Variants in FBN2 observed in about 807,000 individuals in gnomAD.
The protein encoded by FBN2 is fibrillin-2.
A neutral mutation model predicts 355.6 loss-of-function variants in FBN2; 105 were observed. That is an observed-to-expected ratio of 0.30 (90% CI 0.25 to 0.35). The LOEUF (loss-of-function observed/expected upper bound fraction) is 0.35. Among genes scored for constraint, FBN2 ranks in the 10% least tolerant of loss-of-function variants. The probability of loss-of-function intolerance (pLI) is 1.00; values close to 1 mark genes in which losing one functional copy is unlikely to be tolerated. For synonymous variants in FBN2, 1,350 were observed against 1,301.2 expected, an observed-to-expected ratio of 1.04 and a Z score of -0.81; for missense variants, 3,280 against 3,758.7, an observed-to-expected ratio of 0.87 and a Z score of 3.33.
chr5:128,480,024 GTA>G (rs1755132652), intron 5 of FBN2, among the ~76,000 whole-genome samples: 1 of 40,726 alleles, frequency 2.5e-5, no homozygotes, highest in African/African-American at 7.2e-5. Context: ...ATATATATAT[GTA>G]TATACACACA....
rs1751805864 is a variant in FBN2, at chr5:128,367,548, C to T, written c.2249-1118G>A. Among the ~76,000 whole-genome samples, 3 of 151,860 alleles carry T rather than the reference C, an allele frequency of 2.0e-5. No individual in the cohort carries two copies. In the South Asian group the frequency reaches 6.3e-4, roughly 32 times the overall value. On this transcript the variant is annotated intron_variant, in intron 16 of 64. Transcript: ENST00000262464. ...TTACTTGTGTATTTTACTATTTAGG[C>T]CTGCTTTGAAAGTCTTTTACCATTA...
At chr5:128,483,224 T>A (rs187732242) in intron 5 of FBN2, among the ~76,000 whole-genome samples, 7 of 152,136 alleles carry the variant, frequency 4.6e-5, no homozygotes, top group South Asian at 2.1e-4. Flanking sequence ...AGTACCTGGA[T>A]GACAGGATCA....
intron 34 of FBN2, among the ~76,000 whole-genome samples, chr5:128,323,565 T>C (rs999952812): frequency 2.0e-5 from 3 of 152,200 alleles, no homozygotes; most frequent in African/African-American, 7.2e-5. Flanking sequence ...GTTTTTGTCA[T>C]TGGTTCTGTT....
At chr5:128,456,214 C>T (rs111308881) in intron 6 of FBN2, among the ~76,000 whole-genome samples, 72 of 151,944 alleles carry the variant, frequency 4.7e-4, no homozygotes, top group African/African-American at 1.7e-3. Context: ...CTAACCCTGA[C>T]CCATCCTTCC....
At chr5:128,312,132 T>C (rs892006352) in intron 37 of FBN2, among the ~76,000 whole-genome samples, 179 bp from the exon 38 acceptor site, 2 of 152,340 alleles carry the variant, frequency 1.3e-5, no homozygotes, top group Non-Finnish European at 2.9e-5. Flanking sequence ...GATCATACTT[T>C]ATTAATCACA....
intron 63 of FBN2, 44 bp downstream of exon 63, chr5:128,263,381 G>A (rs1176625875): frequency 2.0e-6 from 3 of 1,468,914 alleles, no homozygotes; most frequent in Non-Finnish European, 2.9e-6. Context: ...ACTCACTCAG[G>A]AACCATGTAT....
chr5:128,415,205 A>C (rs996118517), intron 7 of FBN2, among the ~76,000 whole-genome samples: 1 of 152,190 alleles, frequency 6.6e-6, no homozygotes, highest in Non-Finnish European at 1.5e-5. Flanking sequence ...ATGTGGTAAA[A>C]ATATTTCAAG....
chr5:128,387,651 T>C (rs772967558), intron 11 of FBN2, among the ~76,000 whole-genome samples: 1 of 152,222 alleles, frequency 6.6e-6, no homozygotes, highest in Admixed American at 6.5e-5. Context: ...GATTCTGTTA[T>C]GTTGTATCTT....
intron 11 of FBN2, among the ~76,000 whole-genome samples, chr5:128,381,945 T>TA (rs1752245012): frequency 6.6e-6 from 1 of 152,084 alleles, no homozygotes; most frequent in Non-Finnish European, 1.5e-5. Context: ...CAAAACATCA[T>TA]ATTTGGCCCA....
At chr5:128,441,606 G>A (rs549401265) in intron 7 of FBN2, among the ~76,000 whole-genome samples, 7 of 152,172 alleles carry the variant, frequency 4.6e-5, no homozygotes, top group Non-Finnish European at 1.0e-4. Flanking sequence ...TATAGAAAAT[G>A]TTCAATTAAT....
intron 55 of FBN2, 137 bp downstream of exon 55, chr5:128,286,581 A>C (rs1364236160): frequency 2.0e-6 from 2 of 1,015,324 alleles, no homozygotes; most frequent in East Asian, 4.9e-5. Context: ...CTGAGATGGA[A>C]GAAAGCTAGC....
At chr5:128,330,779 A>T (rs1010234723) in intron 32 of FBN2, 84 bp from the exon 33 acceptor site, 1 of 1,425,300 alleles carries the variant, frequency 7.0e-7, no homozygotes, top group African/African-American at 1.4e-5. Flanking sequence ...TAATTTACAT[A>T]TAAACTGGAT....
intron 5 of FBN2, among the ~76,000 whole-genome samples, chr5:128,500,812 T>C (rs939506658): frequency 1.3e-5 from 2 of 152,060 alleles, no homozygotes; most frequent in African/African-American, 2.4e-5. Flanking sequence ...TTAAAAATTA[T>C]AGGACTAAAA....
intron 7 of FBN2, among the ~76,000 whole-genome samples, chr5:128,415,740 T>C (rs1202501035): frequency 6.6e-6 from 1 of 152,202 alleles, no homozygotes; most frequent in Non-Finnish European, 1.5e-5. Context: ...CCAGATCACA[T>C]GGCAGTTTTA....
In FBN2 at chr5:128,328,689, G is replaced by A. The variant is rs1750618048; in HGVS notation, c.4471+7C>T. ...CTTGAAAATGAGTTGGAATCCTGGT[G>A]ACCCACCTTGGCAGGATCTGCTGTC... On this transcript the variant is annotated splice_region_variant and intron_variant, in intron 34 of 64. Transcript: ENST00000262464. 2 of 1,614,022 alleles carry A rather than the reference G, an allele frequency of 1.2e-6. No homozygotes were observed. The highest frequency in any genetic ancestry group is 1.1e-5 in the South Asian group (1 of 91,048).
chr5:128,457,776 C>G (rs1018427621), intron 6 of FBN2, among the ~76,000 whole-genome samples: 1 of 151,868 alleles, frequency 6.6e-6, no homozygotes, highest in Non-Finnish European at 1.5e-5. Flanking sequence ...TACCACCAGG[C>G]CTGTTCCTCA....
chr5:128,362,010 T>C (rs1751651991), intron 18 of FBN2, among the ~76,000 whole-genome samples, 162 bp from the exon 19 acceptor site: 1 of 152,224 alleles, frequency 6.6e-6, no homozygotes, highest in Non-Finnish European at 1.5e-5. Context: ...ATATATTTAG[T>C]TTTATTCAAA....
intron 5 of FBN2, among the ~76,000 whole-genome samples, chr5:128,503,655 A>T (rs969171064): frequency 1.3e-5 from 2 of 152,196 alleles, no homozygotes; most frequent in Non-Finnish European, 2.9e-5. Flanking sequence ...GATTTAGGAT[A>T]TCTGGTGGAA....
chr5:128,517,983 A>G (rs1413222269), intron 5 of FBN2, among the ~76,000 whole-genome samples: 1 of 142,904 alleles, frequency 7.0e-6, no homozygotes, highest in Non-Finnish European at 1.6e-5. Flanking sequence ...GATGCTAGTT[A>G]TTTATCACAT....
Sources: allele counts gnomAD v4.1 joint callset (sites outside exome capture counted in the v4.1 genomes callset), GRCh38; gene constraint gnomAD v4.1.1; transcripts MANE v1.5; gene names NCBI Gene and HGNC (gene_info 2026-07-23, HGNC 2026-07-21).